The following INPP5B variants were observed in gnomAD, a reference collection of about 807,000 sequenced individuals.
The protein encoded by INPP5B is inositol polyphosphate-5-phosphatase B.
INPP5B carries 90 observed loss-of-function variants against 118.5 expected under a neutral mutation model. The observed-to-expected ratio is 0.76, with a 90% CI of 0.64 to 0.90. The LOEUF (loss-of-function observed/expected upper bound fraction) is 0.90, where lower values mean the gene tolerates loss of function less well. INPP5B is among the 40% of genes least tolerant of loss of function. The probability of loss-of-function intolerance (pLI) is 0.00; values close to 1 mark genes in which losing one functional copy is unlikely to be tolerated. For synonymous variants in INPP5B, 385 were observed against 418.9 expected (o/e 0.92, Z 0.99); for missense variants, 984 against 1,125.6 (o/e 0.87, Z 1.80).
chr1:37,926,874 G>T (rs956859205), intron 7 of INPP5B, among the ~76,000 whole-genome samples: 1 of 151,800 alleles, frequency 6.6e-6, no homozygotes, highest in East Asian at 1.9e-4. Flanking sequence ...GAAATAATGA[G>T]GTATTTCTCC....
intron 7 of INPP5B, among the ~76,000 whole-genome samples, chr1:37,919,746 C>T (rs1421040545): frequency 6.6e-6 from 1 of 152,132 alleles, no homozygotes; most frequent in African/African-American, 2.4e-5. Context: ...CAAGACCAGC[C>T]TGGCCAAAAT....
At chr1:37,869,974 G>T (rs961362475) in intron 19 of INPP5B, 1 of 151,634 alleles carries the variant, frequency 6.6e-6, no homozygotes, top group Non-Finnish European at 1.5e-5. Context: ...GTCTCCATAG[G>T]AATCTTTTAG....
chr1:37,869,424 C>T (rs1048418648), intron 19 of INPP5B, among the ~76,000 whole-genome samples: 2 of 151,758 alleles, frequency 1.3e-5, no homozygotes, highest in African/African-American at 4.8e-5. Flanking sequence ...AGATTACAGG[C>T]GTGAGCCACC....
chr1:37,863,063 A>C (rs1045040562), intron 23 of INPP5B, among the ~76,000 whole-genome samples: 3 of 151,960 alleles, frequency 2.0e-5, no homozygotes, highest in East Asian at 1.9e-4. Context: ...AGGTTCCATG[A>C]GCGTGGTAGG....
chr1:37,941,479 C>T (rs1436369207), intron 5 of INPP5B, among the ~76,000 whole-genome samples: 1 of 151,506 alleles, frequency 6.6e-6, no homozygotes, highest in Non-Finnish European at 1.5e-5. Context: ...GAGACACCAC[C>T]CCCCGCCACC....
chr1:37,865,065 T>C (rs1025350817), intron 22 of INPP5B, among the ~76,000 whole-genome samples: 2 of 151,970 alleles, frequency 1.3e-5, no homozygotes, highest in African/African-American at 4.8e-5. Flanking sequence ...TGCACGCCTG[T>C]AATCCCAGCT....
chr1:37,869,454 A>G (rs574035848), intron 19 of INPP5B, among the ~76,000 whole-genome samples: 24 of 151,666 alleles, frequency 1.6e-4, no homozygotes, highest in Non-Finnish European at 2.2e-4. Context: ...CTCCAGGTCC[A>G]CTGTTTTTAT....
intron 7 of INPP5B, among the ~76,000 whole-genome samples, chr1:37,895,665 G>C (rs1021569224): frequency 7.4e-4 from 113 of 152,042 alleles, no homozygotes; most frequent in African/African-American, 2.7e-3. Flanking sequence ...GGCGCGCGCC[G>C]CCACGCCTGA....
At chr1:37,871,218 G>C (rs949238258) in intron 19 of INPP5B, among the ~76,000 whole-genome samples, 11 of 150,042 alleles carry the variant, frequency 7.3e-5, no homozygotes, top group African/African-American at 2.7e-4. Context: ...AACACTTTGG[G>C]AAGCTGGGGC....
At chr1:37,926,825 T>C (rs1350407639) in intron 7 of INPP5B, among the ~76,000 whole-genome samples, 1 of 152,056 alleles carries the variant, frequency 6.6e-6, no homozygotes, top group Non-Finnish European at 1.5e-5. Context: ...GGATCCTCAA[T>C]GGGGTTTTCT....
chr1:37,928,079 T>A (rs1049091945), intron 7 of INPP5B, among the ~76,000 whole-genome samples: 5 of 151,984 alleles, frequency 3.3e-5, no homozygotes, highest in South Asian at 2.1e-4. Flanking sequence ...AACCCTATAC[T>A]CTCTTACCTC....
At chr1:37,911,874 T>A (rs1293409888) in intron 7 of INPP5B, among the ~76,000 whole-genome samples, 1 of 152,208 alleles carries the variant, frequency 6.6e-6, no homozygotes, top group Non-Finnish European at 1.5e-5. Context: ...CTTATGCTGA[T>A]AAGGTAGTTA....
At chr1:37,943,601 C>T in intron 5 of INPP5B, 39 bp downstream of exon 5, 3 of 1,611,082 alleles carry the variant, frequency 1.9e-6, no homozygotes, top group East Asian at 4.5e-5. Flanking sequence ...ATCAGGCACC[C>T]CTGCCCCGAG....
rs746875819 is a variant in INPP5B, at chr1:37,943,721, GC to G, written c.251-53del. ...TTAGCAATTGAGCTTACTCCCCCTT[GC>G]CCCCCCATCAAGGACAAAGATGAGC... On this transcript the variant is annotated intron_variant, in intron 4 of 23. Transcript: ENST00000373024. 29 of 1,612,502 alleles carry G rather than the reference GC, an allele frequency of 1.8e-5. No individual in the cohort carries two copies. The East Asian group carries it at 5.6e-4, about 31-fold the overall frequency.
chr1:37,864,287 T>C, intron 23 of INPP5B, 25 bp downstream of exon 23: 1 of 1,330,926 alleles, frequency 7.5e-7, no homozygotes, highest in Non-Finnish European at 1.1e-6. Flanking sequence ...GCAGAAATGC[T>C]TTCCATAGAC....
At chr1:37,900,073 A>AT (rs34018622) in intron 7 of INPP5B, among the ~76,000 whole-genome samples, 23,196 of 114,606 alleles carry the variant, frequency 0.2, 3,849 homozygotes, top group African/African-American at 0.42. Flanking sequence ...TTTACCTTGA[A>AT]TTTTTTTTTT....
intron 7 of INPP5B, chr1:37,931,410 G>A (rs1645451786): frequency 1.3e-6 from 2 of 1,491,092 alleles, no homozygotes; most frequent in Non-Finnish European, 1.8e-6. Flanking sequence ...GTCACACAGC[G>A]AGTTCGGAAC....
intron 7 of INPP5B, 195 bp downstream of exon 7, chr1:37,931,718 T>C (rs761878850): frequency 3.2e-6 from 5 of 1,557,288 alleles, no homozygotes; most frequent in Middle Eastern, 1.7e-4. Context: ...GACATTTCCC[T>C]GCCTGCTTCC....
intron 21 of INPP5B, 51 bp downstream of exon 21, chr1:37,866,408 A>ACACACACACACG: frequency 4.5e-6 from 1 of 221,366 alleles, no homozygotes; most frequent in African/African-American, 5.3e-5. Context: ...TCTCTCTCTC[A>ACACACACACACG]CACACACACA....
Sources: gnomAD v4.1 joint callset for allele counts (sites outside exome capture counted in the v4.1 genomes callset) on GRCh38, gnomAD v4.1.1 for gene constraint, MANE v1.5 for transcripts, NCBI Gene and HGNC (gene_info 2026-07-23, HGNC 2026-07-21) for gene names.